CERS6: variants seen among roughly 807,000 people sequenced by gnomAD.
The protein encoded by CERS6 is ceramide synthase 6, also known as LAG1 homolog, ceramide synthase 6.
Under a neutral mutation model 56.8 loss-of-function variants are expected in CERS6, and 26 were observed. The ratio of observed to expected loss-of-function variants is 0.46; its 90% confidence interval spans 0.34 to 0.63. The LOEUF (loss-of-function observed/expected upper bound fraction) is 0.63, where lower values mean the gene tolerates loss of function less well. Among genes scored for constraint, CERS6 ranks in the 30% least tolerant of loss-of-function variants. The pLI is 0.01. For missense variants in CERS6, 415 were observed against 467.5 expected (o/e 0.89, Z 1.04); for synonymous variants, 164 against 173.3 (o/e 0.95, Z 0.42).
intron 8 of CERS6, among the ~76,000 whole-genome samples, chr2:168,740,429 A>G (rs1048399042): frequency 2.6e-5 from 4 of 152,268 alleles, no homozygotes; most frequent in Non-Finnish European, 4.4e-5. Context: ...AATTGAGACC[A>G]GGATGGGAAA....
At chr2:168,647,442 G>A (rs1337728267) in intron 4 of CERS6, among the ~76,000 whole-genome samples, 6 of 152,074 alleles carry the variant, frequency 3.9e-5, no homozygotes, top group East Asian at 1.9e-4. Flanking sequence ...TCTAGATATC[G>A]AATCATGTTG....
chr2:168,717,935 G>T lies in CERS6; in HGVS notation c.802G>T (p.Ala268Ser), dbSNP rs1687267282. 2.5e-6 allele frequency: 4 copies of T among 1,613,628 alleles called. No individual in the cohort carries two copies. Among genetic ancestry groups the T allele is most frequent in the Non-Finnish European group, 3.4e-6 (4 of 1,179,734 alleles). ...GTGTGATCTCCTGTTTGTTATGTTTGCCGTGGTTTTTATCACCACACGACT... is the reference window on the plus strand; with the variant it reads ...GTGTGATCTCCTGTTTGTTATGTTTTCCGTGGTTTTTATCACCACACGACT... Reference protein sequence around the residue: ...KMCDLLFVMFAVVFITTRLGI... With the variant: ...KMCDLLFVMFSVVFITTRLGI... Residue 268 changes from alanine (A) to serine (S), a missense_variant, in exon 8 of 10, where the codon GCC becomes TCC. Coordinates refer to ENST00000305747, the MANE Select transcript of CERS6 (RefSeq NM_203463.3).
intron 1 of CERS6, among the ~76,000 whole-genome samples, chr2:168,520,699 T>A (rs1660897206): frequency 7.6e-6 from 1 of 132,372 alleles, no homozygotes; most frequent in African/African-American, 2.8e-5. Flanking sequence ...AACCTCCGCC[T>A]CCTGGGTTCA....
chr2:168,464,303 T>C (rs1256573738), intron 1 of CERS6, among the ~76,000 whole-genome samples: 1 of 150,908 alleles, frequency 6.6e-6, no homozygotes, highest in Non-Finnish European at 1.5e-5. Flanking sequence ...GTGATTCTCA[T>C]GCCTCAGCCC....
chr2:168,593,063 T>G (rs957170042), intron 3 of CERS6, among the ~76,000 whole-genome samples: 2 of 152,186 alleles, frequency 1.3e-5, no homozygotes, highest in African/African-American at 4.8e-5. Flanking sequence ...CTTCCTCCAC[T>G]TTGAAAGCTA....
intron 8 of CERS6, among the ~76,000 whole-genome samples, chr2:168,757,533 A>G (rs6729730): frequency 0.052 from 7,870 of 152,172 alleles, 669 homozygotes; most frequent in African/African-American, 0.18. Flanking sequence ...GCACTGCTAA[A>G]TGAAAGAGAG....
At chr2:168,742,845 C>T (rs1261254451) in intron 8 of CERS6, among the ~76,000 whole-genome samples, 1 of 152,108 alleles carries the variant, frequency 6.6e-6, no homozygotes, top group African/African-American at 2.4e-5. Flanking sequence ...ATTCTAATTG[C>T]AGTGGGGGGT....
intron 1 of CERS6, among the ~76,000 whole-genome samples, chr2:168,492,354 A>T (rs1298185773): frequency 1.3e-5 from 2 of 152,120 alleles, no homozygotes; most frequent in African/African-American, 2.4e-5. Flanking sequence ...TTTGATTTGC[A>T]TTTCTCTAAT....
chr2:168,534,421 T>A (rs1574048430), intron 1 of CERS6, among the ~76,000 whole-genome samples: 2 of 142,590 alleles, frequency 1.4e-5, no homozygotes, highest in Admixed American at 7.0e-5. Flanking sequence ...TTTTTTTTTT[T>A]AATTGTTGAT....
chr2:168,561,397 C>A, intron 3 of CERS6, 75 bp downstream of exon 3: 1 of 1,539,020 alleles, frequency 6.5e-7, no homozygotes, highest in South Asian at 1.2e-5. Flanking sequence ...AATAAAAGAT[C>A]TGTGCAGGCT....
intron 6 of CERS6, among the ~76,000 whole-genome samples, chr2:168,713,605 G>C (rs796843027): frequency 6.6e-6 from 1 of 152,118 alleles, no homozygotes; most frequent in Admixed American, 6.5e-5. Flanking sequence ...AGGTTCCCTT[G>C]AAGCCGACCA....
chr2:168,665,295 T>C lies in CERS6; in HGVS notation c.466-25739T>C, dbSNP rs560703651. 3.9e-5 allele frequency among the ~76,000 whole-genome samples: 6 copies of C among 152,174 alleles called. No individual in the cohort carries two copies. In the East Asian group the frequency reaches 9.6e-4, roughly 24 times the overall value. On this transcript the variant is annotated intron_variant, in intron 4 of 9. Transcript: ENST00000305747. ...ATGATACTAGCTTCTGCTCTAGCATTTTATGAAAAAAAAAATAAGGAATTG... is the reference window on the plus strand; with the variant it reads ...ATGATACTAGCTTCTGCTCTAGCATCTTATGAAAAAAAAAATAAGGAATTG...
chr2:168,677,018 A>AT (rs1170404222), intron 4 of CERS6, among the ~76,000 whole-genome samples: 106 of 93,130 alleles, frequency 1.1e-3, no homozygotes, highest in Non-Finnish European at 1.3e-3. Context: ...TTTTTTGGAG[A>AT]TTTTTTTTTT....
In CERS6 at chr2:168,561,333, GT is replaced by G. The variant is rs777025181; in HGVS notation, c.407+16del. ...GTTCTGTGAGAGCATGTAAGTTGCT[GT>G]TTTTCTTTTTGAAAGAAAAGACCTA... On this transcript the variant is annotated intron_variant, in intron 3 of 9. Transcript: ENST00000305747. 2 of 1,613,844 alleles carry G rather than the reference GT, an allele frequency of 1.2e-6. No individual in the cohort carries two copies. The highest frequency in any genetic ancestry group is 2.2e-5 in the South Asian group (2 of 91,072).
At chr2:168,608,838 A>G (rs1684116088) in intron 3 of CERS6, among the ~76,000 whole-genome samples, 1 of 152,144 alleles carries the variant, frequency 6.6e-6, no homozygotes, top group Admixed American at 6.5e-5. Context: ...TTTGAAGGGC[A>G]ATGCATTTTG....
chr2:168,518,855 G>A (rs957774880), intron 1 of CERS6, among the ~76,000 whole-genome samples: 1 of 151,998 alleles, frequency 6.6e-6, no homozygotes, highest in Non-Finnish European at 1.5e-5. Context: ...GAGGCTGACC[G>A]TTGGTATTCT....
intron 3 of CERS6, among the ~76,000 whole-genome samples, chr2:168,625,643 A>C (rs1490330939): frequency 6.6e-6 from 1 of 152,190 alleles, no homozygotes; most frequent in Non-Finnish European, 1.5e-5. Flanking sequence ...AGAACAAGTC[A>C]GAATTACAGT....
intron 1 of CERS6, among the ~76,000 whole-genome samples, chr2:168,501,452 C>G (rs759350864): frequency 1.1e-4 from 17 of 152,210 alleles, no homozygotes; most frequent in Admixed American, 3.9e-4. Context: ...ATTCTCCCAC[C>G]TTGTGGTGGT....
At chr2:168,665,952 C>CTGTGTGTGTGTGTGTGTGTGTGTG (rs58913968) in intron 4 of CERS6, among the ~76,000 whole-genome samples, 5 of 143,198 alleles carry the variant, frequency 3.5e-5, no homozygotes, top group African/African-American at 1.3e-4. Context: ...AATTAGTAGA[C>CTGTGTGTGTGTGTGTGTGTGTGTG]TGTGTGTGTG....
Sources: gnomAD v4.1 joint callset for allele counts (sites outside exome capture counted in the v4.1 genomes callset) on GRCh38, gnomAD v4.1.1 for gene constraint, MANE v1.5 for transcripts, NCBI Gene and HGNC (gene_info 2026-07-23, HGNC 2026-07-21) for gene names.